The following CNTLN variants were observed in gnomAD, a reference collection of about 807,000 sequenced individuals.
CNTLN encodes centlein, centrosomal protein.
In CNTLN, 212 loss-of-function variants were observed where a neutral mutation model predicts 180.0. The ratio of observed to expected loss-of-function variants is 1.18; its 90% confidence interval spans 1.05 to 1.32. The LOEUF (loss-of-function observed/expected upper bound fraction) is 1.32, where lower values mean the gene tolerates loss of function less well. Ranked by LOEUF, CNTLN falls within the 40% of genes most tolerant of loss-of-function variation. The pLI, the probability that CNTLN is intolerant of heterozygous loss-of-function variation, is 0.00. For missense variants in CNTLN, 2,095 were observed against 1,610.9 expected (o/e 1.30, Z -5.14); for synonymous variants, 722 against 563.1 (o/e 1.28, Z -3.99).
chr9:17,522,044 T>A, the CNTLN span, among the ~76,000 whole-genome samples: 1 of 152,064 alleles, frequency 6.6e-6, no homozygotes, highest in Non-Finnish European at 1.5e-5. Flanking sequence ...CTGTTTACAA[T>A]GAGATACCCC....
intron 2 of CNTLN, among the ~76,000 whole-genome samples, chr9:17,161,610 A>T (rs901481846): frequency 1.3e-5 from 2 of 152,240 alleles, no homozygotes; most frequent in Admixed American, 1.3e-4. Flanking sequence ...CACAAATTTC[A>T]TCCTGGCTTT....
intron 14 of CNTLN, 39 bp downstream of exon 14, chr9:17,388,292 A>G: frequency 1.5e-6 from 2 of 1,337,774 alleles, no homozygotes; most frequent in Non-Finnish European, 2.1e-6. Flanking sequence ...AGCAAGTTAA[A>G]TCTGAATTTT....
At chr9:17,268,915 C>T (rs980666469) in intron 5 of CNTLN, among the ~76,000 whole-genome samples, 9 of 151,898 alleles carry the variant, frequency 5.9e-5, no homozygotes, top group African/African-American at 1.2e-4. Context: ...GGGAGTGACC[C>T]GATTTTCCAG....
chr9:17,187,913 T>C (rs1484494211), intron 2 of CNTLN, among the ~76,000 whole-genome samples: 1 of 151,232 alleles, frequency 6.6e-6, no homozygotes, highest in Non-Finnish European at 1.5e-5. Flanking sequence ...AGTTTTATCA[T>C]GAAATATTTT....
At position 17,395,022 on chromosome 9, in the gene CNTLN, G is replaced by A; in HGVS notation, c.2568G>A (p.Val856=). The A allele has an allele frequency of 6.2e-7, 1 of 1,612,996 alleles. No individual in the cohort carries two copies. The highest frequency in any genetic ancestry group is 8.5e-7 in the Non-Finnish European group (1 of 1,179,202). The change falls in exon 15 of 26, where the codon GTG becomes GTA. Residue 856 remains valine (V), a synonymous_variant. Coordinates refer to ENST00000380647, the MANE Select transcript of CNTLN (RefSeq NM_017738.4). ...ATTCCATCAAGGTTATGAGCAATGT[G>A]TTTGAGAACCTCAGCAAGGACGGCT... The part of the protein sequence containing the change: ...LNHSIKVMSN[V]FENLSKDGWE...
chr9:17,397,110 A>T (rs1246178089), intron 15 of CNTLN, among the ~76,000 whole-genome samples: 1 of 152,182 alleles, frequency 6.6e-6, no homozygotes, highest in African/African-American at 2.4e-5. Flanking sequence ...TTATGTGCAA[A>T]TATGTATGTA....
intron 23 of CNTLN, among the ~76,000 whole-genome samples, chr9:17,468,858 A>T (rs1831901899): frequency 6.6e-6 from 1 of 151,784 alleles, no homozygotes; most frequent in Non-Finnish European, 1.5e-5. Context: ...GGGTAATGTT[A>T]GTCCTTCATA....
chr9:17,189,586 C>G (rs953638297), intron 2 of CNTLN, among the ~76,000 whole-genome samples: 1 of 151,738 alleles, frequency 6.6e-6, no homozygotes, highest in South Asian at 2.1e-4. Flanking sequence ...CAGGTTCAAG[C>G]GATTCTCCTG....
intron 1 of CNTLN, among the ~76,000 whole-genome samples, chr9:17,137,793 A>G (rs1393128673): frequency 1.3e-5 from 2 of 152,198 alleles, no homozygotes; most frequent in East Asian, 1.9e-4. Context: ...TCCCCATACC[A>G]TTCTACATCA....
chr9:17,266,615 T>G (rs994231262), intron 5 of CNTLN, among the ~76,000 whole-genome samples: 3 of 152,160 alleles, frequency 2.0e-5, no homozygotes, highest in Admixed American at 6.5e-5. Flanking sequence ...GTCTCGTTGA[T>G]CTGTTTAGTG....
chr9:17,148,837 A>G (rs1818635913), intron 2 of CNTLN, among the ~76,000 whole-genome samples: 1 of 152,176 alleles, frequency 6.6e-6, no homozygotes, highest in Admixed American at 6.5e-5. Flanking sequence ...TTTTATGATT[A>G]TACTTTAAGT....
chr9:17,461,720 C>G (rs1831457762), intron 19 of CNTLN, among the ~76,000 whole-genome samples: 1 of 151,416 alleles, frequency 6.6e-6, no homozygotes, highest in African/African-American at 2.4e-5. Context: ...TAAATAACTA[C>G]TCCAAATATT....
At chr9:17,269,896 T>C (rs1827808396) in intron 5 of CNTLN, among the ~76,000 whole-genome samples, 1 of 152,184 alleles carries the variant, frequency 6.6e-6, no homozygotes, top group Non-Finnish European at 1.5e-5. Flanking sequence ...CATATAATTA[T>C]ATTGTACATT....
At chr9:17,258,333 C>A (rs1160988527) in intron 5 of CNTLN, among the ~76,000 whole-genome samples, 1 of 149,088 alleles carries the variant, frequency 6.7e-6, no homozygotes, top group East Asian at 2.0e-4. Flanking sequence ...TTCCATTGAT[C>A]TATATCTCTG....
chr9:17,528,447 G>C, the CNTLN span, among the ~76,000 whole-genome samples: 1 of 152,140 alleles, frequency 6.6e-6, no homozygotes, highest in African/African-American at 2.4e-5. Context: ...CAAAATACTC[G>C]ACCAGAGCTC....
intron 2 of CNTLN, among the ~76,000 whole-genome samples, chr9:17,157,640 G>T (rs1005529282): frequency 6.6e-6 from 1 of 152,178 alleles, no homozygotes; most frequent in Non-Finnish European, 1.5e-5. Context: ...AATGTTGGTG[G>T]CCATCATCCG....
chr9:17,293,574 CT>C (rs1178562870), intron 6 of CNTLN, among the ~76,000 whole-genome samples: 2 of 152,210 alleles, frequency 1.3e-5, no homozygotes, highest in African/African-American at 4.8e-5. Context: ...GCCATAGCCA[CT>C]GTGAGTGCTG....
chr9:17,273,641 T>A, intron 5 of CNTLN, 92 bp from the exon 6 acceptor site: 3 of 660,138 alleles, frequency 4.5e-6, no homozygotes, highest in South Asian at 9.9e-5. Context: ...TATTTTTCTC[T>A]GTCATTTTGT....
In CNTLN at chr9:17,257,620, G is replaced by A. The variant is rs1490030292; in HGVS notation, c.850-16113G>A. On this transcript the variant is annotated intron_variant, in intron 5 of 25. Transcript: ENST00000380647. ...AGTGTAAAAGTGTTCCTATTTCTCCGCATCCTCTCCAGCACCTGTTGTTTC... is the reference window on the plus strand; with the variant it reads ...AGTGTAAAAGTGTTCCTATTTCTCCACATCCTCTCCAGCACCTGTTGTTTC... Among the ~76,000 whole-genome samples, 545 of 149,842 alleles carry A rather than the reference G, an allele frequency of 3.6e-3. 6 individuals carry two copies. Among genetic ancestry groups the A allele is most frequent in the African/African-American group, 0.011 (444 of 39,790 alleles).
Sources: gnomAD v4.1 joint callset for allele counts (sites outside exome capture counted in the v4.1 genomes callset) on GRCh38, gnomAD v4.1.1 for gene constraint, MANE v1.5 for transcripts, NCBI Gene and HGNC (gene_info 2026-07-23, HGNC 2026-07-21) for gene names.